The following KIAA1217 variants were observed in gnomAD, a reference collection of about 807,000 sequenced individuals.
KIAA1217 encodes sickle tail protein homolog.
Under a neutral mutation model 163.9 loss-of-function variants are expected in KIAA1217, and 88 were observed. That is an observed-to-expected ratio of 0.54 (90% CI 0.45 to 0.64). The LOEUF (loss-of-function observed/expected upper bound fraction) is 0.64, where lower values mean the gene tolerates loss of function less well. Ranked by LOEUF, KIAA1217 falls within the 30% of genes least tolerant of loss-of-function variation. The pLI is 0.00. For synonymous variants in KIAA1217, 903 were observed against 923.1 expected, an observed-to-expected ratio of 0.98 and a Z score of 0.39; for missense variants, 2,372 against 2,475.0, an observed-to-expected ratio of 0.96 and a Z score of 0.88.
intron 2 of KIAA1217, among the ~76,000 whole-genome samples, chr10:24,310,386 G>A (rs1304373000): frequency 1.3e-5 from 2 of 152,200 alleles, no homozygotes; most frequent in African/African-American, 4.8e-5. Flanking sequence ...CACCCTGCCA[G>A]GATAAGATGA....
chr10:24,251,306 G>A (rs2074481516), intron 2 of KIAA1217, among the ~76,000 whole-genome samples: 1 of 149,236 alleles, frequency 6.7e-6, no homozygotes, highest in African/African-American at 2.5e-5. Context: ...AAGTTAAGAT[G>A]GGAGGATCCC....
chr10:24,193,872 C>T lies in KIAA1217; in HGVS notation c.-170-25754C>T, dbSNP rs1589849718. Among the ~76,000 whole-genome samples the T allele has an allele frequency of 1.3e-5, 2 of 149,570 alleles. 1 individual carries two copies. The highest frequency in any genetic ancestry group is 4.0e-4 in the East Asian group (2 of 5,042). On this transcript the variant is annotated intron_variant, in intron 2 of 18. Coordinates refer to the KIAA1217 transcript ENST00000376462. ...AAGCAGTCACGTGCATGTTCATGTA[C>T]TTTGGTTTCTTCATTTGGAGATAAT...
intron 12 of KIAA1217, 36 bp downstream of exon 12, chr10:24,521,965 G>A (rs559884299): frequency 9.4e-6 from 15 of 1,589,374 alleles, no homozygotes; most frequent in South Asian, 4.4e-5. Flanking sequence ...GGTGGCCTGC[G>A]GAGGGGTGCA....
At chr10:24,102,224 T>A (rs772210483) in intron 2 of KIAA1217, among the ~76,000 whole-genome samples, 2 of 152,146 alleles carry the variant, frequency 1.3e-5, no homozygotes, top group African/African-American at 2.4e-5. Flanking sequence ...TATACAAAAG[T>A]CAGTTGCTTT....
intron 2 of KIAA1217, among the ~76,000 whole-genome samples, chr10:24,182,454 A>ACACACACACG (rs1422149214): frequency 2.0e-5 from 3 of 151,816 alleles, no homozygotes; most frequent in Non-Finnish European, 4.4e-5. Flanking sequence ...ACACACACAC[A>ACACACACACG]CACACACACA....
intron 5 of KIAA1217, among the ~76,000 whole-genome samples, chr10:24,467,812 G>T (rs970440843): frequency 7.8e-6 from 1 of 128,422 alleles, no homozygotes; most frequent in Non-Finnish European, 1.6e-5. Context: ...ATGTGTGTGT[G>T]TATGTGTGTG....
At position 23,999,624 on chromosome 10, in the gene KIAA1217, GA is replaced by G. The variant is rs1474049915; in HGVS notation, c.-320-7600del. Among the ~76,000 whole-genome samples the G allele has an allele frequency of 2.0e-5, 3 of 152,316 alleles. No homozygotes were observed. The East Asian group carries it at 5.8e-4, about 29-fold the overall frequency. Reference sequence around the variant, plus strand: ...ACCCTTTCCACTTAGATTAAGGGATGAGGGGGTAGATTCGCTGACATGGCAG... The same window carrying G: ...ACCCTTTCCACTTAGATTAAGGGATGGGGGGTAGATTCGCTGACATGGCAG... On this transcript the variant is annotated intron_variant, in intron 1 of 18. Coordinates refer to the KIAA1217 transcript ENST00000376462.
intron 1 of KIAA1217, among the ~76,000 whole-genome samples, chr10:24,211,560 G>T (rs58592567): frequency 0.48 from 53,168 of 110,980 alleles, 10,886 homozygotes; most frequent in African/African-American, 0.58. Context: ...GTATTGTATT[G>T]TATTGTATTG....
chr10:23,837,474 T>C (rs1454953361), intron 1 of KIAA1217, among the ~76,000 whole-genome samples: 3 of 152,206 alleles, frequency 2.0e-5, no homozygotes, highest in East Asian at 1.9e-4. Context: ...GGACATTCTT[T>C]GGTTTTCACT....
intron 1 of KIAA1217, among the ~76,000 whole-genome samples, chr10:23,890,800 C>A (rs1168693456): frequency 2.6e-5 from 4 of 151,962 alleles, no homozygotes; most frequent in African/African-American, 9.7e-5. Flanking sequence ...TGTATCCTTA[C>A]TGATTTTTTG....
chr10:24,067,955 T>G (rs1043971338), intron 2 of KIAA1217, among the ~76,000 whole-genome samples: 1 of 146,626 alleles, frequency 6.8e-6, no homozygotes, highest in Non-Finnish European at 1.5e-5. Context: ...GTGCAGGATA[T>G]AATCTCCTGG....
intron 5 of KIAA1217, among the ~76,000 whole-genome samples, chr10:24,444,739 A>C (rs2060783007): frequency 1.3e-5 from 2 of 152,134 alleles, no homozygotes; most frequent in South Asian, 4.1e-4. Context: ...CTCCTGGTTT[A>C]TTTTTATCAT....
chr10:23,790,475 A>G lies in KIAA1217; in HGVS notation c.-321+95241A>G, dbSNP rs988057547. ...TACATGTGCATATATACATATATAC[A>G]TGTGCATATATACATATATACATGT... On this transcript the variant is annotated intron_variant, in intron 1 of 18. Transcript: ENST00000376462. Among the ~76,000 whole-genome samples the G allele has an allele frequency of 2.3e-4, 26 of 111,964 alleles. 6 individuals carry two copies. Among genetic ancestry groups the G allele is most frequent in the South Asian group, 7.5e-4 (3 of 3,984 alleles). 73.5% of individuals were successfully genotyped at this position (111,964 alleles called of 152,430 possible). A position where few individuals can be genotyped will look rare whatever the true frequency, so the allele number is the denominator to read the frequency against.
chr10:24,514,477 A>C (rs2069726416), intron 10 of KIAA1217, among the ~76,000 whole-genome samples: 1 of 152,136 alleles, frequency 6.6e-6, no homozygotes, highest in African/African-American at 2.4e-5. Flanking sequence ...GAGGGAAAAA[A>C]ACATCAATTT....
At chr10:24,520,689 A>ACACACAC (rs763777354) in intron 11 of KIAA1217, among the ~76,000 whole-genome samples, 2,559 of 102,818 alleles carry the variant, frequency 0.025, 46 homozygotes, top group Admixed American at 0.029. Context: ...CACACACACA[A>ACACACAC]AAAAAAATTA....
chr10:23,722,636 A>C (rs1265539023), intron 1 of KIAA1217, among the ~76,000 whole-genome samples: 1 of 152,206 alleles, frequency 6.6e-6, no homozygotes, highest in East Asian at 1.9e-4. Context: ...AGTAACAAAA[A>C]TGCGATATAA....
At chr10:23,775,736 G>T (rs1356118584) in intron 1 of KIAA1217, among the ~76,000 whole-genome samples, 1 of 152,156 alleles carries the variant, frequency 6.6e-6, no homozygotes, top group Non-Finnish European at 1.5e-5. Flanking sequence ...ATAACATGAG[G>T]CTTCTGGGTA....
chr10:24,134,436 T>C (rs1352527539), intron 2 of KIAA1217, among the ~76,000 whole-genome samples: 1 of 152,150 alleles, frequency 6.6e-6, no homozygotes, highest in African/African-American at 2.4e-5. Context: ...CCTCAGCAGG[T>C]TGTCTGCACA....
intron 9 of KIAA1217, among the ~76,000 whole-genome samples, chr10:24,511,152 CAAA>C (rs58529942): frequency 5.8e-5 from 2 of 34,512 alleles, no homozygotes; most frequent in South Asian, 1.6e-3. Flanking sequence ...GACTCTGTCT[CAAA>C]AAAAAAAAAA....
Sources: gnomAD v4.1 joint callset for allele counts (sites outside exome capture counted in the v4.1 genomes callset) on GRCh38, gnomAD v4.1.1 for gene constraint, MANE v1.5 for transcripts, NCBI Gene and HGNC (gene_info 2026-07-23, HGNC 2026-07-21) for gene names.